Variants in ALOX15 observed in about 807,000 individuals in gnomAD.
ALOX15 encodes the protein arachidonate 15-lipoxygenase, also known as polyunsaturated fatty acid lipoxygenase ALOX15.
In ALOX15, 68 loss-of-function variants were observed where a neutral mutation model predicts 71.7. That is an observed-to-expected ratio of 0.95 (90% CI 0.78 to 1.16). The LOEUF (loss-of-function observed/expected upper bound fraction) is 1.16, where lower values mean the gene tolerates loss of function less well. Ranked by LOEUF, ALOX15 falls within the 50% of genes most tolerant of loss-of-function variation. The pLI is 0.00. For synonymous variants in ALOX15, 346 were observed against 333.3 expected, an observed-to-expected ratio of 1.04 and a Z score of -0.42; for missense variants, 798 against 818.8, an observed-to-expected ratio of 0.97 and a Z score of 0.31.
Position 4,632,037 on chromosome 17 carries a change from A to G in ALOX15, c.1661T>C (p.Val554Ala). Residue 554 changes from valine (V) to alanine (A), a missense_variant, in exon 13 of 14, where the codon GTG becomes GCG. Coordinates refer to ENST00000293761, the MANE Select transcript of ALOX15 (RefSeq NM_001140.5). The part of the protein sequence containing the change: ...HLGQLDWYSW[V>A]PNAPCTMRLP... ...CCGCATCGTGCAGGGTGCATTAGGC[A>G]CCCAAGAGTACCAGTCCAGCTAAGG... is the stretch of plus-strand genomic sequence containing the variant. The G allele has an allele frequency of 1.2e-6, 2 of 1,612,046 alleles. No individual in the cohort carries two copies. Among genetic ancestry groups the G allele is most frequent in the Admixed American group, 3.3e-5 (2 of 59,880 alleles).
Position 4,638,966 on chromosome 17 carries a change from TCCC to T in ALOX15, c.423_425del (p.Trp141_Gly142delinsTer), listed in dbSNP as rs1911217119. On this transcript the variant is annotated stop_gained and inframe_deletion, in exon 4 of 14. Coordinates refer to ENST00000293761, the MANE Select transcript of ALOX15 (RefSeq NM_001140.5). LOFTEE classifies it high-confidence loss of function. Reference sequence around the variant, plus strand: ...TCAGAATTAACCCGTCCTTCCAGTTTCCCCACCTGTGGGGCAGGAAGGAAATCA... The same window carrying T: ...TCAGAATTAACCCGTCCTTCCAGTTTCACCTGTGGGGCAGGAAGGAAATCA... 1 of 1,614,056 alleles carries T rather than the reference TCCC, an allele frequency of 6.2e-7. No homozygotes were observed. Among genetic ancestry groups the T allele is most frequent in the Non-Finnish European group, 8.5e-7 (1 of 1,180,032 alleles).
chr17:4,639,692 G>A, intron 1 of ALOX15, 61 bp from the exon 2 acceptor site: 1 of 1,513,950 alleles, frequency 6.6e-7, no homozygotes, highest in South Asian at 1.2e-5. Context: ...ACCCGGCTGA[G>A]CCCTGCTCCC....
At chr17:4,636,106 C>G in intron 7 of ALOX15, 138 bp from the exon 8 acceptor site, 4 of 905,516 alleles carry the variant, frequency 4.4e-6, no homozygotes, top group East Asian at 2.7e-5. Context: ...CCGCTCCCTA[C>G]GGCTCCCGTT....
chr17:4,638,996 G>A (rs772658422), intron 3 of ALOX15, 24 bp from the exon 4 acceptor site: 1 of 1,614,216 alleles, frequency 6.2e-7, no homozygotes, highest in Admixed American at 1.7e-5. Flanking sequence ...AGGAAATCAA[G>A]TATGGGTGCT....
In ALOX15 at chr17:4,635,864, G is replaced by A; in HGVS notation, c.1056C>T (p.Phe352=). 6.2e-7 allele frequency: 1 copy of A among 1,614,264 alleles called. No individual in the cohort carries two copies. Among genetic ancestry groups the A allele is most frequent in the Middle Eastern group, 1.6e-4 (1 of 6,062 alleles). Residue 352 remains phenylalanine (F), a synonymous_variant, in exon 8 of 14, where the codon TTC becomes TTT. Transcript: ENST00000293761. ...GATGAGACTGCAGCTCATGGAGCTGGAAGTCAGAGCTGCGCACCCAGCATT... is the reference window on the plus strand; with the variant it reads ...GATGAGACTGCAGCTCATGGAGCTGAAAGTCAGAGCTGCGCACCCAGCATT... ...LAKCWVRSSD[F]QLHELQSHLL...
chr17:4,632,026 G>A lies in ALOX15; in HGVS notation c.1672C>T (p.Pro558Ser), dbSNP rs771790003. 1 of 1,613,144 alleles carries A rather than the reference G, an allele frequency of 6.2e-7. No individual in the cohort carries two copies. Among genetic ancestry groups the A allele is most frequent in the South Asian group, 1.1e-5 (1 of 90,928 alleles). ...LDWYSWVPNA[P>S]CTMRLPPPTT... ...GGCGGGGGCAGCCGCATCGTGCAGG[G>A]TGCATTAGGCACCCAAGAGTACCAG... is the stretch of plus-strand genomic sequence containing the variant. The change falls in exon 13 of 14, where the codon CCC becomes TCC. Residue 558 changes from proline (P) to serine (S), a missense_variant. By Grantham distance (74) the Pro-to-Ser change is moderately conservative (BLOSUM62 -1). Transcript: ENST00000293761.
rs745702295 is a variant in ALOX15, at chr17:4,633,236, G to C, written c.1328C>G (p.Pro443Arg). 4.3e-6 allele frequency: 7 copies of C among 1,614,058 alleles called. No homozygotes were observed. Among genetic ancestry groups the C allele is most frequent in the Non-Finnish European group, 5.1e-6 (6 of 1,180,050 alleles). ...GAFLTYSSFC[P>R]PDDLADRGLL... ...CCCCCGGTCGGCCAAGTCATCAGGG[G>C]GACAGAAGGAGCTGTAGGTTAGGAA... The change falls in exon 10 of 14, where the codon CCC becomes CGC. Residue 443 changes from proline (P) to arginine (R), a missense_variant. By Grantham distance (103) the Pro-to-Arg change is moderately radical (BLOSUM62 -2). Coordinates refer to ENST00000293761, the MANE Select transcript of ALOX15 (RefSeq NM_001140.5).
chr17:4,640,937 T>C (rs1911300771), intron 1 of ALOX15, among the ~76,000 whole-genome samples: 1 of 151,418 alleles, frequency 6.6e-6, no homozygotes, highest in Non-Finnish European at 1.5e-5. Flanking sequence ...GAGACAGACA[T>C]CCGGATTTGG....
Position 4,633,064 on chromosome 17 carries a change from C to G in ALOX15, c.1418+82G>C, listed in dbSNP as rs556537212. On this transcript the variant is annotated intron_variant, in intron 10 of 13. Coordinates refer to ENST00000293761, the MANE Select transcript of ALOX15 (RefSeq NM_001140.5). ...TGGCCAGGTCAGGGCCCCAGGCCCC[C>G]AACCAGACGCAGACCTCCTGCTCTC... is the stretch of plus-strand genomic sequence containing the variant. 1.1e-5 allele frequency: 17 copies of G among 1,609,998 alleles called. 1 individual carries two copies. The South Asian group carries it at 1.4e-4, about 14-fold the overall frequency.
At chr17:4,634,075 G>A (rs1389173667) in intron 8 of ALOX15, among the ~76,000 whole-genome samples, 1 of 152,134 alleles carries the variant, frequency 6.6e-6, no homozygotes, top group Admixed American at 6.6e-5. Flanking sequence ...AACTACCTAT[G>A]GGGTACCATG....
intron 1 of ALOX15, chr17:4,639,918 CCCTGGACGAGCGCGCTGTGGAG>C: frequency 3.0e-6 from 1 of 332,710 alleles, no homozygotes; most frequent in Non-Finnish European, 5.3e-6. Flanking sequence ...CGCTGCCGCG[CCCTGGACGAGCGCGCTGTGGAG>C]CCCGGACGCG....
At chr17:4,639,303 A>G in intron 2 of ALOX15, 127 bp downstream of exon 2, 2 of 1,377,838 alleles carry the variant, frequency 1.5e-6, no homozygotes, top group Non-Finnish European at 2.0e-6. Context: ...CGCCCCTTCG[A>G]CACCCCCAAA....
At chr17:4,640,744 G>A (rs1412622172) in intron 1 of ALOX15, among the ~76,000 whole-genome samples, 2 of 151,604 alleles carry the variant, frequency 1.3e-5, no homozygotes, top group African/African-American at 2.4e-5. Flanking sequence ...TCGGGGGCGG[G>A]ACGGATATTG....
At chr17:4,632,826 T>A (rs1477670003) in intron 11 of ALOX15, 35 bp downstream of exon 11, 1 of 1,613,646 alleles carries the variant, frequency 6.2e-7, no homozygotes, top group African/African-American at 1.3e-5. Context: ...TCTTGGGCTT[T>A]GTGTCTGAGA....
Position 4,641,647 on chromosome 17 carries a change from C to T in ALOX15, c.5G>A (p.Gly2Asp). The change falls in exon 1 of 14, where the codon GGT becomes GAT. Residue 2 changes from glycine to aspartate, a missense_variant. Physicochemically the swap from Gly to Asp is moderately conservative, Grantham distance 94. Around this residue, in one of 3 missense-constraint regions of ALOX15, gnomAD observed 300 missense variants for 283.1 expected, o/e 1.06. Coordinates refer to ENST00000293761, the MANE Select transcript of ALOX15 (RefSeq NM_001140.5). Reference sequence around the variant, plus strand: ...AGTGGACACGCGGATGCGGTAGAGACCCATCTTGCTCAAAGATGTTTCGCT... The same window carrying T: ...AGTGGACACGCGGATGCGGTAGAGATCCATCTTGCTCAAAGATGTTTCGCT... M[G>D]LYRIRVSTGA... 1.9e-6 allele frequency: 3 copies of T among 1,610,536 alleles called. No individual in the cohort carries two copies. The South Asian group carries it at 3.3e-5, about 18-fold the overall frequency.
chr17:4,637,461 A>G (rs576382979), intron 6 of ALOX15, among the ~76,000 whole-genome samples: 1 of 152,070 alleles, frequency 6.6e-6, no homozygotes, highest in East Asian at 1.9e-4. Flanking sequence ...AGTGCGTGGC[A>G]GGATCACCAC....
In ALOX15 at chr17:4,638,963, G is replaced by A. The variant is rs1222262267; in HGVS notation, c.429C>T (p.Asn143=). The A allele has an allele frequency of 6.2e-7, 1 of 1,614,084 alleles. No individual in the cohort carries two copies. The highest frequency in any genetic ancestry group is 2.2e-5 in the East Asian group (1 of 44,906). The change falls in exon 4 of 14, where the codon AAC becomes AAT. Residue 143 remains asparagine (N), a synonymous_variant. Coordinates refer to ENST00000293761, the MANE Select transcript of ALOX15 (RefSeq NM_001140.5). The part of the protein sequence containing the change: ...EERRKLYRWG[N]WKDGLILNMA... ...TATTCAGAATTAACCCGTCCTTCCAGTTTCCCCACCTGTGGGGCAGGAAGG... is the reference window on the plus strand; with the variant it reads ...TATTCAGAATTAACCCGTCCTTCCAATTTCCCCACCTGTGGGGCAGGAAGG...
chr17:4,634,188 T>C (rs1352729586), intron 8 of ALOX15, among the ~76,000 whole-genome samples: 1 of 152,190 alleles, frequency 6.6e-6, no homozygotes, highest in Non-Finnish European at 1.5e-5. Flanking sequence ...AAATTAAAGT[T>C]AAAAATAAAT....
chr17:4,639,860 C>G lies in ALOX15; in HGVS notation c.136-229G>C, dbSNP rs1331024141. 2.1e-5 allele frequency: 11 copies of G among 527,926 alleles called. 1 individual carries two copies. In the East Asian group the frequency reaches 2.2e-4, roughly 11 times the overall value. The allele number at this position is 527,926 out of a possible 1,614,324, so 32.7% of individuals were successfully genotyped here. A position where few individuals can be genotyped will look rare whatever the true frequency, so the allele number is the denominator to read the frequency against. On this transcript the variant is annotated intron_variant, in intron 1 of 13. Transcript: ENST00000293761. ...AGGTGGGAAGGTGCGCTCCTGCCTT[C>G]ACTTTCTCCTCCCTGTGGTCACTGA... is the stretch of plus-strand genomic sequence containing the variant.
Sources: allele counts gnomAD v4.1 joint callset (sites outside exome capture counted in the v4.1 genomes callset), GRCh38; gene constraint gnomAD v4.1.1; regional missense constraint gnomAD v4.1.1; transcripts MANE v1.5; gene names NCBI Gene and HGNC (gene_info 2026-07-23, HGNC 2026-07-21).